ARB2A: variants seen among roughly 807,000 people sequenced by gnomAD.
The protein encoded by ARB2A is ARB2 cotranscriptional regulator A.
At chr5:93,803,258 A>C in the ARB2A span, among the ~76,000 whole-genome samples, 1 of 152,184 alleles carries the variant, frequency 6.6e-6, no homozygotes, top group South Asian at 2.1e-4. Context: ...ACAGACAAAA[A>C]CATTATACAT....
the ARB2A span, among the ~76,000 whole-genome samples, chr5:93,753,920 T>G: frequency 1.2e-4 from 18 of 152,152 alleles, no homozygotes; most frequent in Non-Finnish European, 2.5e-4. Context: ...TTCCATCCTG[T>G]GTGCCTGGTA....
the ARB2A span, among the ~76,000 whole-genome samples, chr5:93,722,107 A>C: frequency 6.6e-6 from 1 of 152,228 alleles, no homozygotes; most frequent in East Asian, 1.9e-4. Context: ...AAAATAAAAA[A>C]CAGTTTACCT....
chr5:93,673,206 A>G, the ARB2A span, among the ~76,000 whole-genome samples: 1 of 152,230 alleles, frequency 6.6e-6, no homozygotes, highest in African/African-American at 2.4e-5. Context: ...ATAATTAAAA[A>G]TAGAGAGTTT....
chr5:93,660,171 C>T, the ARB2A span, among the ~76,000 whole-genome samples: 1 of 152,006 alleles, frequency 6.6e-6, no homozygotes, highest in Non-Finnish European at 1.5e-5. Context: ...TGCATTACTA[C>T]ATTGAATTCT....
At chr5:94,074,698 T>A in the ARB2A span, 1 of 1,613,118 alleles carries the variant, frequency 6.2e-7, no homozygotes, top group Non-Finnish European at 8.5e-7. Context: ...GCTGGATTTG[T>A]GCCATGTTTA....
the ARB2A span, among the ~76,000 whole-genome samples, chr5:93,927,950 A>C: frequency 6.6e-6 from 1 of 152,168 alleles, no homozygotes; most frequent in African/African-American, 2.4e-5. Context: ...GTCTGTAGAC[A>C]TCGTAGCTCA....
At chr5:93,971,569 AAAATAAATAAATAAATAAATAAAT>A in the ARB2A span, among the ~76,000 whole-genome samples, 1 of 139,356 alleles carries the variant, frequency 7.2e-6, no homozygotes, top group African/African-American at 2.7e-5. Flanking sequence ...CTCCGTCTCA[AAAATAAATAAATAAATAAATAAAT>A]AAATAAATAA....
the ARB2A span, among the ~76,000 whole-genome samples, chr5:93,661,776 G>A: frequency 4.6e-5 from 7 of 152,172 alleles, no homozygotes; most frequent in Non-Finnish European, 8.8e-5. Context: ...AGAGGAAAAA[G>A]ATGAGAAAAA....
the ARB2A span, among the ~76,000 whole-genome samples, chr5:93,990,730 T>C: frequency 2.0e-5 from 3 of 151,854 alleles, no homozygotes; most frequent in Non-Finnish European, 2.9e-5. Flanking sequence ...GCCTTCTCAT[T>C]ATAAACAACT....
the ARB2A span, among the ~76,000 whole-genome samples, chr5:93,973,284 G>A: frequency 1.5e-4 from 23 of 151,622 alleles, no homozygotes; most frequent in Admixed American, 6.6e-5. Context: ...ACAATTGAAA[G>A]TCTTAACAAC....
At chr5:94,103,719 C>T in the ARB2A span, among the ~76,000 whole-genome samples, 1 of 149,338 alleles carries the variant, frequency 6.7e-6, no homozygotes, top group East Asian at 2.0e-4. Context: ...ACAGAATATA[C>T]ATTCTTCTTA....
chr5:93,679,106 T>C, the ARB2A span, among the ~76,000 whole-genome samples: 3 of 152,314 alleles, frequency 2.0e-5, no homozygotes, highest in Admixed American at 1.3e-4. Flanking sequence ...TTTCTTTAGA[T>C]AGGGAATCTT....
the ARB2A span, among the ~76,000 whole-genome samples, chr5:93,919,220 T>C: frequency 6.6e-6 from 1 of 152,154 alleles, no homozygotes; most frequent in Non-Finnish European, 1.5e-5. Flanking sequence ...GACTTGAACT[T>C]AGGGTCTAAT....
the ARB2A span, among the ~76,000 whole-genome samples, chr5:93,793,601 A>G: frequency 1.4e-3 from 214 of 152,196 alleles, 1 homozygote; most frequent in African/African-American, 5.0e-3. Flanking sequence ...TGGACTGATG[A>G]AAGTGCTATT....
chr5:93,982,925 T>G, the ARB2A span, among the ~76,000 whole-genome samples: 1 of 152,094 alleles, frequency 6.6e-6, no homozygotes, highest in Non-Finnish European at 1.5e-5. Flanking sequence ...CATGGTGGCA[T>G]GCACCTGTAG....
At chr5:94,087,102 G>A in the ARB2A span, among the ~76,000 whole-genome samples, 1 of 151,994 alleles carries the variant, frequency 6.6e-6, no homozygotes, top group Admixed American at 6.6e-5. Context: ...GGGCTAATAC[G>A]TATGTTTGTG....
the ARB2A span, among the ~76,000 whole-genome samples, chr5:93,765,641 A>G: frequency 2.6e-5 from 4 of 152,222 alleles, no homozygotes; most frequent in Non-Finnish European, 4.4e-5. Flanking sequence ...TATAGATTCA[A>G]TGCCATCCCC....
chr5:93,718,233 A>C, the ARB2A span, among the ~76,000 whole-genome samples: 5 of 152,050 alleles, frequency 3.3e-5, no homozygotes, highest in South Asian at 4.1e-4. Flanking sequence ...CGAGGTCAAG[A>C]GATCGAGACC....
At chr5:93,954,868 T>C in the ARB2A span, among the ~76,000 whole-genome samples, 30 of 152,228 alleles carry the variant, frequency 2.0e-4, no homozygotes, top group Admixed American at 9.2e-4. Context: ...GTAGGGCTAG[T>C]CTAAATGCTC....
Sources: gnomAD v4.1 joint callset for allele counts (sites outside exome capture counted in the v4.1 genomes callset) on GRCh38, gnomAD v4.1.1 for gene constraint, MANE v1.5 for transcripts, NCBI Gene and HGNC (gene_info 2026-07-23, HGNC 2026-07-21) for gene names.